Variants in NIBAN1 observed in about 807,000 individuals in gnomAD.
NIBAN1 encodes protein Niban 1.
In NIBAN1, 81 loss-of-function variants were observed where a neutral mutation model predicts 75.1. That is an observed-to-expected ratio of 1.08 (90% CI 0.90 to 1.30). The LOEUF is 1.30. Among genes scored for constraint, NIBAN1 ranks in the 50% most tolerant of loss-of-function variants. The probability of loss-of-function intolerance (pLI) is 0.00; values close to 1 mark genes in which losing one functional copy is unlikely to be tolerated. For missense variants in NIBAN1, 1,133 were observed against 1,128.1 expected, an observed-to-expected ratio of 1.00 and a Z score of -0.06; for synonymous variants, 436 against 424.8, an observed-to-expected ratio of 1.03 and a Z score of -0.32.
At chr1:184,806,641 C>T (rs1169111142) in intron 10 of NIBAN1, among the ~76,000 whole-genome samples, 5 of 152,144 alleles carry the variant, frequency 3.3e-5, no homozygotes, top group African/African-American at 9.7e-5. Context: ...CCTCTTTCAT[C>T]CCTCACAACT....
intron 9 of NIBAN1, among the ~76,000 whole-genome samples, chr1:184,812,616 C>G (rs967540789): frequency 6.6e-6 from 1 of 152,218 alleles, no homozygotes; most frequent in African/African-American, 2.4e-5. Flanking sequence ...AGTACTTTCT[C>G]TTGGTCTCTG....
At chr1:184,926,261 C>T (rs1021740691) in intron 1 of NIBAN1, among the ~76,000 whole-genome samples, 9 of 152,110 alleles carry the variant, frequency 5.9e-5, no homozygotes, top group South Asian at 2.1e-4. Context: ...GTTTTTAAGA[C>T]GAGACTCACT....
chr1:184,947,409 T>C (rs1035702565), intron 1 of NIBAN1, among the ~76,000 whole-genome samples: 9 of 152,182 alleles, frequency 5.9e-5, no homozygotes, highest in African/African-American at 2.2e-4. Flanking sequence ...GGGGAGTTAT[T>C]TAATGAGCAC....
intron 5 of NIBAN1, among the ~76,000 whole-genome samples, chr1:184,863,018 C>T (rs1389602315): frequency 6.6e-6 from 1 of 151,982 alleles, no homozygotes; most frequent in Non-Finnish European, 1.5e-5. Flanking sequence ...CCGGAGGCAC[C>T]CCTGTGTGTT....
chr1:184,936,984 A>G (rs1044420610), intron 1 of NIBAN1, among the ~76,000 whole-genome samples: 4 of 152,076 alleles, frequency 2.6e-5, no homozygotes, highest in Non-Finnish European at 4.4e-5. Flanking sequence ...TCACACTACA[A>G]GACTCTTCTC....
intron 9 of NIBAN1, among the ~76,000 whole-genome samples, chr1:184,817,139 C>T (rs1220419040): frequency 6.6e-6 from 1 of 152,218 alleles, no homozygotes; most frequent in Non-Finnish European, 1.5e-5. Context: ...GTTTTCTGTC[C>T]TTGTGATAGT....
intron 9 of NIBAN1, among the ~76,000 whole-genome samples, chr1:184,818,434 A>G (rs1000716626): frequency 7.2e-5 from 11 of 152,126 alleles, no homozygotes; most frequent in African/African-American, 2.7e-4. Context: ...CATCAGTAAA[A>G]CTATCAGATG....
chr1:184,909,677 A>T (rs1313522549), intron 1 of NIBAN1, among the ~76,000 whole-genome samples: 1 of 152,242 alleles, frequency 6.6e-6, no homozygotes, highest in Non-Finnish European at 1.5e-5. Context: ...ACTTATCCTC[A>T]CAAGATTTTG....
intron 1 of NIBAN1, among the ~76,000 whole-genome samples, chr1:184,912,283 C>T (rs951042306): frequency 4.6e-5 from 7 of 152,124 alleles, no homozygotes; most frequent in Non-Finnish European, 1.0e-4. Flanking sequence ...CATATTTCCT[C>T]TCTTTTTGCT....
intron 5 of NIBAN1, among the ~76,000 whole-genome samples, chr1:184,843,953 G>A (rs969480887): frequency 3.3e-5 from 5 of 152,196 alleles, no homozygotes; most frequent in African/African-American, 1.2e-4. Flanking sequence ...GGGCATCTGT[G>A]TGGCTTACTC....
At chr1:184,897,277 AGTGTGTGTGTGTGT>A (rs34548568) in intron 2 of NIBAN1, among the ~76,000 whole-genome samples, 97 of 132,688 alleles carry the variant, frequency 7.3e-4, no homozygotes, top group Middle Eastern at 3.9e-3. Flanking sequence ...TGTACTCCTA[AGTGTGTGTGTGTGT>A]GTGTGTGTGT....
intron 10 of NIBAN1, 23 bp downstream of exon 10, chr1:184,808,051 A>G: frequency 6.2e-7 from 1 of 1,612,756 alleles, no homozygotes; most frequent in Non-Finnish European, 8.5e-7. Context: ...CTCATCCACC[A>G]CGGATGCCCC....
At chr1:184,941,275 A>G (rs1658081007) in intron 1 of NIBAN1, among the ~76,000 whole-genome samples, 1 of 152,186 alleles carries the variant, frequency 6.6e-6, no homozygotes, top group African/African-American at 2.4e-5. Flanking sequence ...GCAAACAGGG[A>G]CAATTTGACT....
intron 1 of NIBAN1, among the ~76,000 whole-genome samples, chr1:184,962,799 A>G (rs1003951581): frequency 6.6e-6 from 1 of 152,222 alleles, no homozygotes; most frequent in African/African-American, 2.4e-5. Context: ...TGATTTTTAT[A>G]GTCAATTGAT....
Position 184,936,046 on chromosome 1 carries a change from C to T in NIBAN1, c.56-36737G>A, listed in dbSNP as rs553874819. 2.7e-5 allele frequency among the ~76,000 whole-genome samples: 4 copies of T among 150,060 alleles called. No individual in the cohort carries two copies. The South Asian group carries it at 8.4e-4, about 32-fold the overall frequency. On this transcript the variant is annotated intron_variant, in intron 1 of 13. Coordinates refer to ENST00000367511, the MANE Select transcript of NIBAN1 (RefSeq NM_052966.4). ...GAAAAAAAAAAAAAAACAGGGGAAA[C>T]TAAGCGTCTATTGAAAGGTTTACAC...
At chr1:184,965,707 A>AT (rs1658766037) in intron 1 of NIBAN1, among the ~76,000 whole-genome samples, 1 of 152,220 alleles carries the variant, frequency 6.6e-6, no homozygotes, top group Non-Finnish European at 1.5e-5. Flanking sequence ...ACTAGGCTTA[A>AT]TACCTGGGTG....
At chr1:184,937,615 T>C (rs1199997891) in intron 1 of NIBAN1, among the ~76,000 whole-genome samples, 1 of 152,056 alleles carries the variant, frequency 6.6e-6, no homozygotes, top group Non-Finnish European at 1.5e-5. Context: ...GTAGCAGAAA[T>C]GGAGAATTGC....
chr1:184,806,735 C>T (rs511033), intron 10 of NIBAN1, among the ~76,000 whole-genome samples: 4,709 of 151,078 alleles, frequency 0.031, 159 homozygotes, highest in African/African-American at 0.083. Flanking sequence ...TCCCCAAGCC[C>T]GTGGTCCCAA....
chr1:184,810,982 G>A (rs927947914), intron 9 of NIBAN1, among the ~76,000 whole-genome samples: 1 of 152,156 alleles, frequency 6.6e-6, no homozygotes, highest in Non-Finnish European at 1.5e-5. Flanking sequence ...TGGGGATCGC[G>A]GTAAGCTCCC....
Sources: gnomAD v4.1 joint callset for allele counts (sites outside exome capture counted in the v4.1 genomes callset) on GRCh38, gnomAD v4.1.1 for gene constraint, MANE v1.5 for transcripts, NCBI Gene and HGNC (gene_info 2026-07-23, HGNC 2026-07-21) for gene names.